C9orf72: variants seen among roughly 807,000 people sequenced by gnomAD.
C9orf72 encodes C9orf72-SMCR8 complex subunit.
C9orf72 carries 44 observed loss-of-function variants against 51.6 expected under a neutral mutation model. That is an observed-to-expected ratio of 0.85 (90% confidence interval 0.67 to 1.10). C9orf72 has a LOEUF of 1.10. Ranked by LOEUF, C9orf72 falls within the 50% of genes least tolerant of loss-of-function variation. The pLI is 0.00. For synonymous variants in C9orf72, 213 were observed against 194.2 expected (o/e 1.10, Z -0.81); for missense variants, 607 against 570.6 (o/e 1.06, Z -0.65).
At chr9:27,551,785 A>G (rs1209419286) in intron 8 of C9orf72, among the ~76,000 whole-genome samples, 2 of 152,248 alleles carry the variant, frequency 1.3e-5, no homozygotes, top group African/African-American at 4.8e-5. Context: ...TATCTTCATC[A>G]TAAGTGAATT....
At chr9:27,552,254 G>C (rs537084636) in intron 8 of C9orf72, among the ~76,000 whole-genome samples, 1 of 152,222 alleles carries the variant, frequency 6.6e-6, no homozygotes, top group Admixed American at 6.5e-5. Context: ...TCCAGCTTTT[G>C]CCCATTTGGT....
In C9orf72 at chr9:27,560,220, A is replaced by G; in HGVS notation, c.738+7T>C. 1 of 1,582,248 alleles carries G rather than the reference A, an allele frequency of 6.3e-7. No individual in the cohort carries two copies. The highest frequency in any genetic ancestry group is 8.6e-7 in the Non-Finnish European group (1 of 1,159,836). ...CAAATCATTTGCTAGATTATAAAAT[A>G]AACTACCTTATTTACTTTCTCTGCA... is the stretch of plus-strand genomic sequence containing the variant. On this transcript the variant is annotated splice_region_variant and intron_variant, in intron 6 of 10. Transcript: ENST00000380003.
chr9:27,554,155 C>T (rs1820963684), intron 8 of C9orf72, among the ~76,000 whole-genome samples: 1 of 152,094 alleles, frequency 6.6e-6, no homozygotes, highest in Non-Finnish European at 1.5e-5. Context: ...CCTAGCAACC[C>T]CATTATTCTA....
chr9:27,554,269 T>A (rs1474426109), intron 8 of C9orf72, among the ~76,000 whole-genome samples: 1 of 152,098 alleles, frequency 6.6e-6, no homozygotes, highest in Non-Finnish European at 1.5e-5. Context: ...TCAACCTAAA[T>A]GCCTATCAAT....
chr9:27,566,817 T>C lies in C9orf72; in HGVS notation c.304A>G (p.Asn102Asp). 6.2e-7 allele frequency: 1 copy of C among 1,613,982 alleles called. No homozygotes were observed. The highest frequency in any genetic ancestry group is 8.5e-7 in the Non-Finnish European group (1 of 1,179,916). Residue 102 changes from asparagine to aspartate, a missense_variant, in exon 2 of 11, where the codon AAC (asparagine) becomes GAC (aspartate). Coordinates refer to ENST00000380003, the MANE Select transcript of C9orf72 (RefSeq NM_018325.5). ...VIIVSLIFDGNWNGDRSTYGL... is the reference protein window; with the variant it reads ...VIIVSLIFDGDWNGDRSTYGL... ...TATGTGCTGCGATCCCCATTCCAGT[T>C]TCCATCAAAGATTAATGAAACAATA...
rs546630378 is a variant in C9orf72, at chr9:27,573,208, G to GCGCCGC, written c.-45+217_-45+222dup. Among the ~76,000 whole-genome samples the GCGCCGC allele has an allele frequency of 7.6e-3, 1,157 of 151,908 alleles. 11 individuals are homozygous for GCGCCGC. The highest frequency in any genetic ancestry group is 0.024 in the African/African-American group (1,004 of 41,386). On this transcript the variant is annotated intron_variant, in intron 1 of 10. Transcript: ENST00000380003. The stretch of plus-strand genomic sequence containing the variant: ...GGCCAGATCCCCATCCCTTGTCCCT[G>GCGCCGC]CGCCGCCGCCGCCGCCGCCGCCGCC...
chr9:27,566,757 T>G lies in C9orf72; in HGVS notation c.364A>C (p.Ser122Arg), dbSNP rs773159639. 1 of 1,613,860 alleles carries G rather than the reference T, an allele frequency of 6.2e-7. No homozygotes were observed. The highest frequency in any genetic ancestry group is 8.5e-7 in the Non-Finnish European group (1 of 1,179,796). Residue 122 changes from serine to arginine, a missense_variant, in exon 2 of 11, where the codon AGT becomes CGT. By Grantham distance (110) the Ser-to-Arg change is moderately radical. Transcript: ENST00000380003. ...ACTCTATGAAGTGGGAGGTAGAAACTAAGTTCTGTCTGTGGAAGTATAATT... is the reference window on the plus strand; with the variant it reads ...ACTCTATGAAGTGGGAGGTAGAAACGAAGTTCTGTCTGTGGAAGTATAATT... ...LSIILPQTEL[S>R]FYLPLHRVCV...
intron 6 of C9orf72, 117 bp downstream of exon 6, chr9:27,560,110 A>G (rs1214127102): frequency 1.2e-5 from 7 of 566,858 alleles, no homozygotes; most frequent in African/African-American, 3.9e-5. Flanking sequence ...ATGAGATTAC[A>G]TTGCCTCCTT....
Position 27,561,624 on chromosome 9 carries a change from T to C in C9orf72, c.626A>G (p.Asp209Gly). The change falls in exon 5 of 11, where the codon GAT (aspartate) becomes GGT (glycine). Residue 209 changes from aspartate to glycine, a missense_variant. Coordinates refer to ENST00000380003, the MANE Select transcript of C9orf72 (RefSeq NM_018325.5). ...IDIADTVLNDDDIGDSCHEGF... is the reference protein window; with the variant it reads ...IDIADTVLNDGDIGDSCHEGF... ...TTCATGACAGCTGTCACCAATATCA[T>C]CATCATTGAGTACTGTATCAGCTAT... is the stretch of plus-strand genomic sequence containing the variant. 1.2e-6 allele frequency: 2 copies of C among 1,610,320 alleles called. No homozygotes were observed. The highest frequency in any genetic ancestry group is 2.2e-5 in the East Asian group (1 of 44,746).
At chr9:27,551,643 C>T (rs929075778) in intron 8 of C9orf72, among the ~76,000 whole-genome samples, 15 of 152,120 alleles carry the variant, frequency 9.9e-5, no homozygotes, top group Admixed American at 7.9e-4. Flanking sequence ...AGAAAGAAAC[C>T]GTAAAGGGGA....
chr9:27,567,186 C>A (rs1819489749), intron 1 of C9orf72, 22 bp from the exon 2 acceptor site: 8 of 1,347,364 alleles, frequency 5.9e-6, no homozygotes, highest in Non-Finnish European at 8.3e-6. Flanking sequence ...CATATGAAAC[C>A]AATGATTAGG....
intron 3 of C9orf72, among the ~76,000 whole-genome samples, chr9:27,565,224 A>C (rs547680092): frequency 3.6e-4 from 55 of 152,192 alleles, no homozygotes; most frequent in African/African-American, 1.1e-3. Flanking sequence ...ACCTTAAAGA[A>C]CATATCAGAG....
intron 1 of C9orf72, among the ~76,000 whole-genome samples, chr9:27,572,247 C>T (rs1003277324): frequency 2.6e-5 from 4 of 152,150 alleles, no homozygotes; most frequent in Non-Finnish European, 5.9e-5. Context: ...GATGTACTAT[C>T]AGCATGTAGC....
Position 27,558,539 on chromosome 9 carries a change from T to C in C9orf72, c.807A>G (p.Glu269=), listed in dbSNP as rs1274831884. 18 of 1,609,008 alleles carry C rather than the reference T, an allele frequency of 1.1e-5. No homozygotes were observed. The highest frequency in any genetic ancestry group is 8.0e-5 in the African/African-American group (6 of 74,748). ...GCCCTGACTCATATTTAAATGATGATTCTGCTTCACATAACCTGGAGCATT... is the reference window on the plus strand; with the variant it reads ...GCCCTGACTCATATTTAAATGATGACTCTGCTTCACATAACCTGGAGCATT... ...ERKCSRLCEA[E]SSFKYESGLF... is the part of the protein sequence containing the mutation. Residue 269 remains glutamate, a synonymous_variant, in exon 7 of 11, where the codon GAA becomes GAG. Transcript: ENST00000380003.
At chr9:27,557,695 A>G (rs868100028) in intron 7 of C9orf72, among the ~76,000 whole-genome samples, 19 of 152,160 alleles carry the variant, frequency 1.2e-4, no homozygotes, top group Admixed American at 6.6e-4. Flanking sequence ...TAACTCAAAT[A>G]GAAACTACGT....
chr9:27,556,569 A>G lies in C9orf72; in HGVS notation c.1083T>C (p.Thr361=). The part of the protein sequence containing the change: ...DTIIYTDESF[T]PDLNIFQDVL... ...GGCAGAGCATTACGTACAAATCAGG[A>G]GTAAAGCTTTCGTCAGTGTAGATGA... Residue 361 remains threonine (T), a synonymous_variant, in exon 8 of 11, where the codon ACT becomes ACC. Coordinates refer to ENST00000380003, the MANE Select transcript of C9orf72 (RefSeq NM_018325.5). The G allele has an allele frequency of 1.2e-6, 2 of 1,606,340 alleles. No homozygotes were observed. The highest frequency in any genetic ancestry group is 1.7e-6 in the Non-Finnish European group (2 of 1,172,986).
Position 27,548,433 on chromosome 9 carries a change from TGGAA to T in C9orf72, c.1260-15_1260-12del. The T allele has an allele frequency of 2.1e-5, 6 of 286,072 alleles. No individual in the cohort carries two copies. The highest frequency in any genetic ancestry group is 1.2e-4 in the African/African-American group (1 of 8,620). The allele number at this position is 286,072 out of a possible 1,614,324, so 17.7% of individuals were successfully genotyped here. On this transcript the variant is annotated splice_polypyrimidine_tract_variant and intron_variant, in intron 10 of 10. Transcript: ENST00000380003. ...TTTTTTCCCTTCTGCCTAAAAATAA[TGGAA>T]AAAAAAAAAAAAAAAAAAAAAAAAG...
intron 8 of C9orf72, among the ~76,000 whole-genome samples, chr9:27,554,268 A>T (rs1164723568): frequency 6.6e-6 from 1 of 152,204 alleles, no homozygotes; most frequent in Non-Finnish European, 1.5e-5. Context: ...ATCAACCTAA[A>T]TGCCTATCAA....
At chr9:27,560,680 A>G in intron 5 of C9orf72, 1 of 990,168 alleles carries the variant, frequency 1.0e-6, no homozygotes, top group Non-Finnish European at 1.2e-6. Context: ...ACAGGACTAA[A>G]GTGCTTCTGA....
Sources: gnomAD v4.1 joint callset for allele counts (sites outside exome capture counted in the v4.1 genomes callset) on GRCh38, gnomAD v4.1.1 for gene constraint, MANE v1.5 for transcripts, NCBI Gene and HGNC (gene_info 2026-07-23, HGNC 2026-07-21) for gene names.